Variants in SLC22A14 observed in about 807,000 individuals in gnomAD.
The protein encoded by SLC22A14 is organic cation transporter-like 4.
In SLC22A14, 50 loss-of-function variants were observed where a neutral mutation model predicts 53.9. That is an observed-to-expected ratio of 0.93 (90% CI 0.74 to 1.17). The LOEUF (loss-of-function observed/expected upper bound fraction) is 1.17. Among genes scored for constraint, SLC22A14 ranks in the 50% most tolerant of loss-of-function variants. SLC22A14 has a pLI of 0.00. For missense variants in SLC22A14, 671 were observed against 734.7 expected, an observed-to-expected ratio of 0.91 and a Z score of 1.00; for synonymous variants, 312 against 303.0, an observed-to-expected ratio of 1.03 and a Z score of -0.31.
chr3:38,286,541 A>G (rs1399276335), intron 1 of SLC22A14, among the ~76,000 whole-genome samples: 3 of 150,984 alleles, frequency 2.0e-5, no homozygotes, highest in African/African-American at 7.3e-5. Context: ...CTCCCGAGTA[A>G]CTGGGATTAC....
rs147859936 is a variant in SLC22A14, at chr3:38,313,753, C to T, written c.1190C>T (p.Thr397Met). The change falls in exon 8 of 11, where the codon ACG becomes ATG. Residue 397 changes from threonine to methionine, a missense_variant. Transcript: ENST00000448498. ...TTTACCGTCAGTTACACCTATTTTA[C>T]GTTGAGCCTGAGAATGAGAGAGCTG... The part of the protein sequence containing the change: ...VWFTVSYTYF[T>M]LSLRMRELGV... 5.7e-5 allele frequency: 92 copies of T among 1,609,202 alleles called. No homozygotes were observed. The highest frequency in any genetic ancestry group is 1.0e-4 in the Admixed American group (6 of 59,688).
chr3:38,302,334 A>G (rs924652282), intron 1 of SLC22A14, among the ~76,000 whole-genome samples: 6 of 147,000 alleles, frequency 4.1e-5, no homozygotes, highest in African/African-American at 1.5e-4. Context: ...ATATATTTAT[A>G]TATATATTTA....
chr3:38,313,815 A>C lies in SLC22A14; in HGVS notation c.1252A>C (p.Ile418Leu). ...SVHFRHVVPS[I>L]MEVPARLCCI... ...CCACTTCAGACACGTGGTCCCCAGC[A>C]TCATGGAGGTGCCTGCCCGGCTGTG... is the stretch of plus-strand genomic sequence containing the variant. The change falls in exon 8 of 11, where the codon ATC becomes CTC. Residue 418 changes from isoleucine (I) to leucine (L), a missense_variant. Transcript: ENST00000448498. 1 of 1,614,128 alleles carries C rather than the reference A, an allele frequency of 6.2e-7. No individual in the cohort carries two copies.
chr3:38,303,487 C>CG (rs1704217667), intron 1 of SLC22A14, among the ~76,000 whole-genome samples: 1 of 149,002 alleles, frequency 6.7e-6, no homozygotes. Context: ...TCTTCTTTAA[C>CG]TTGTATTCAC....
At chr3:38,315,839 G>T in intron 9 of SLC22A14, 128 bp downstream of exon 9, 1 of 993,314 alleles carries the variant, frequency 1.0e-6, no homozygotes, top group Admixed American at 2.2e-5. Flanking sequence ...TTACATAAGT[G>T]ATCTCATTTA....
At chr3:38,293,332 C>T (rs555363705) in intron 1 of SLC22A14, among the ~76,000 whole-genome samples, 110 of 152,300 alleles carry the variant, frequency 7.2e-4, no homozygotes, top group African/African-American at 2.2e-3. Context: ...CTCCAAAGTT[C>T]GCTTGCCTGA....
chr3:38,296,851 G>A (rs1043339772), intron 1 of SLC22A14, among the ~76,000 whole-genome samples: 1 of 152,208 alleles, frequency 6.6e-6, no homozygotes, highest in African/African-American at 2.4e-5. Context: ...GCAGCAATGG[G>A]CACCTCGCTG....
chr3:38,315,004 G>A (rs1383487767), intron 8 of SLC22A14, among the ~76,000 whole-genome samples: 1 of 152,228 alleles, frequency 6.6e-6, no homozygotes, highest in East Asian at 1.9e-4. Context: ...AGGGGCTGAA[G>A]CCCCCAGCTT....
rs1704289803 is a variant in SLC22A14 at position 38,306,013 on chromosome 3, C to G, written c.1-14C>G. 1 of 1,599,040 alleles carries G rather than the reference C, an allele frequency of 6.3e-7. No homozygotes were observed. Among genetic ancestry groups the G allele is most frequent in the East Asian group, 2.2e-5 (1 of 44,780 alleles). Reference sequence around the variant, plus strand: ...GTGTCAGCAGAGACTGAGCTGCACCCTTTCTTTGGACAGATGGCAGGAGAG... The same window carrying G: ...GTGTCAGCAGAGACTGAGCTGCACCGTTTCTTTGGACAGATGGCAGGAGAG... On this transcript the variant is annotated splice_polypyrimidine_tract_variant and intron_variant, in intron 1 of 10. Coordinates refer to ENST00000448498, the MANE Select transcript of SLC22A14 (RefSeq NM_001320033.2).
chr3:38,287,895 A>G (rs770766287), intron 1 of SLC22A14, among the ~76,000 whole-genome samples: 11 of 152,366 alleles, frequency 7.2e-5, no homozygotes, highest in South Asian at 2.1e-4. Context: ...TATTTTACAC[A>G]TAGGTCTTGT....
Position 38,306,145 on chromosome 3 carries a change from G to A in SLC22A14, c.119G>A (p.Arg40Lys), listed in dbSNP as rs764422229. ...HSWSLEMLLR[R>K]LRAVHTKQDD... ...TGGTCTCTGGAGATGCTGTTACGCAGATTGAGGGCTGTCCACACCAAGCAG... is the reference window on the plus strand; with the variant it reads ...TGGTCTCTGGAGATGCTGTTACGCAAATTGAGGGCTGTCCACACCAAGCAG... Residue 40 changes from arginine to lysine, a missense_variant, in exon 2 of 11, where the codon AGA (arginine) becomes AAA (lysine). Coordinates refer to ENST00000448498, the MANE Select transcript of SLC22A14 (RefSeq NM_001320033.2). The A allele has an allele frequency of 1.2e-5, 20 of 1,614,182 alleles. No individual in the cohort carries two copies. In the Admixed American group the frequency reaches 2.5e-4, roughly 20 times the overall value.
At chr3:38,294,341 G>T (rs1703978186) in intron 1 of SLC22A14, among the ~76,000 whole-genome samples, 1 of 152,106 alleles carries the variant, frequency 6.6e-6, no homozygotes, top group African/African-American at 2.4e-5. Flanking sequence ...CACTCCATTT[G>T]CCTTCTTTCT....
intron 5 of SLC22A14, 119 bp downstream of exon 5, chr3:38,309,241 G>A (rs1313851283): frequency 7.8e-6 from 7 of 891,956 alleles, no homozygotes; most frequent in South Asian, 1.5e-5. Context: ...GAAAGTGCAT[G>A]TGGATGGGAT....
At position 38,306,759 on chromosome 3, in the gene SLC22A14, G is replaced by A. The variant is rs151043896; in HGVS notation, c.516+217G>A. Among the ~76,000 whole-genome samples, 6 of 152,346 alleles carry A rather than the reference G, an allele frequency of 3.9e-5. No homozygotes were observed. In the East Asian group the frequency reaches 9.7e-4, roughly 25 times the overall value. On this transcript the variant is annotated intron_variant, in intron 2 of 10. Coordinates refer to ENST00000448498, the MANE Select transcript of SLC22A14 (RefSeq NM_001320033.2). ...TACATTTGGGGTAGAGATGGGTGCT[G>A]CATGGCAGGGTTTTCCATCTGTCCA...
chr3:38,297,740 A>G (rs73825511), intron 1 of SLC22A14, among the ~76,000 whole-genome samples: 9,763 of 152,228 alleles, frequency 0.064, 376 homozygotes, highest in East Asian at 0.16. Context: ...ATGTCATCAT[A>G]TCCCATTACT....
In SLC22A14 at chr3:38,313,095, C is replaced by A. The variant is rs377398495; in HGVS notation, c.1041C>A (p.Thr347=). Residue 347 remains threonine (T), a synonymous_variant, in exon 6 of 11, where the codon ACC becomes ACA. Coordinates refer to ENST00000448498, the MANE Select transcript of SLC22A14 (RefSeq NM_001320033.2). ...ACGCCGCAAGTGTGAACAAGAAGAC[C>A]ATTCCTTCAAATCTGCTGGACGAGG... The part of the protein sequence containing the change: ...LCYAASVNKK[T]IPSNLLDELQ... 1.2e-6 allele frequency: 2 copies of A among 1,609,280 alleles called. No individual in the cohort carries two copies. The highest frequency in any genetic ancestry group is 1.7e-6 in the Non-Finnish European group (2 of 1,178,142).
intron 1 of SLC22A14, among the ~76,000 whole-genome samples, chr3:38,297,611 C>A (rs1175989522): frequency 6.6e-6 from 1 of 152,102 alleles, no homozygotes; most frequent in Non-Finnish European, 1.5e-5. Flanking sequence ...CTGATGCTCT[C>A]CCTTCCCCAC....
chr3:38,310,999 G>A (rs970144484), intron 5 of SLC22A14, among the ~76,000 whole-genome samples: 1 of 152,202 alleles, frequency 6.6e-6, no homozygotes, highest in African/African-American at 2.4e-5. Flanking sequence ...ACCAGGACAA[G>A]CCCCCATGTT....
chr3:38,279,621 G>A (rs1222645550), upstream of SLC22A14, among the ~76,000 whole-genome samples: 1 of 150,208 alleles, frequency 6.7e-6, no homozygotes, highest in Non-Finnish European at 1.5e-5. Context: ...GATTATGGTT[G>A]GTTGGGGAGA....
Sources: allele counts gnomAD v4.1 joint callset (sites outside exome capture counted in the v4.1 genomes callset), GRCh38; gene constraint gnomAD v4.1.1; transcripts MANE v1.5; gene names NCBI Gene and HGNC (gene_info 2026-07-23, HGNC 2026-07-21).